Variants in RUNDC3B observed in about 807,000 individuals in gnomAD.
RUNDC3B encodes RUN domain-containing protein 3B.
In RUNDC3B, 33 loss-of-function variants were observed where a neutral mutation model predicts 58.4. The observed-to-expected ratio is 0.56, with a 90% CI of 0.43 to 0.75. The LOEUF is 0.75. RUNDC3B is among the 30% of genes least tolerant of loss of function. The probability of loss-of-function intolerance (pLI) is 0.00; values close to 1 mark genes in which losing one functional copy is unlikely to be tolerated. For missense variants in RUNDC3B, 501 were observed against 535.7 expected (o/e 0.94, Z 0.64); for synonymous variants, 193 against 195.2 (o/e 0.99, Z 0.10).
intron 10 of RUNDC3B, among the ~76,000 whole-genome samples, chr7:87,827,353 G>C (rs752744123): frequency 4.6e-5 from 7 of 152,066 alleles, no homozygotes; most frequent in Non-Finnish European, 7.4e-5. Flanking sequence ...CAGGTGCGGT[G>C]GTGGGCCCCT....
chr7:87,643,807 G>GT (rs1425042431), intron 1 of RUNDC3B, among the ~76,000 whole-genome samples: 4 of 152,060 alleles, frequency 2.6e-5, no homozygotes, highest in African/African-American at 9.7e-5. Context: ...GATTACAGGC[G>GT]TGAGCCACCA....
chr7:87,718,329 T>C (rs1159926355), intron 4 of RUNDC3B, among the ~76,000 whole-genome samples: 3 of 152,140 alleles, frequency 2.0e-5, no homozygotes, highest in Non-Finnish European at 2.9e-5. Context: ...GGGTTTCTAT[T>C]AGGGGATAGT....
At chr7:87,826,368 T>G (rs964092547) in intron 10 of RUNDC3B, among the ~76,000 whole-genome samples, 4 of 150,090 alleles carry the variant, frequency 2.7e-5, no homozygotes, top group Admixed American at 2.7e-4. Context: ...TCCACCATGA[T>G]CATGAGGCTT....
intron 3 of RUNDC3B, chr7:87,709,543 A>G (rs1316910712): frequency 6.1e-6 from 6 of 984,502 alleles, no homozygotes; most frequent in Admixed American, 6.2e-5. Flanking sequence ...CCATACCCTT[A>G]TCATTCATTT....
In RUNDC3B at chr7:87,650,954, A is replaced by G. The variant is rs776104900; in HGVS notation, c.238+17A>G. ...GGCTAAAAGGTAAAAGCACTAATGT[A>G]CTATTTATTTTCCCACCAGCTGTCT... is the stretch of plus-strand genomic sequence containing the variant. On this transcript the variant is annotated intron_variant, in intron 2 of 10. Coordinates refer to ENST00000394654, the MANE Select transcript of RUNDC3B (RefSeq NM_001134405.2). 1.4e-6 allele frequency: 2 copies of G among 1,405,510 alleles called. No individual in the cohort carries two copies. Among genetic ancestry groups the G allele is most frequent in the Non-Finnish European group, 2.0e-6 (2 of 992,654 alleles). The allele number at this position is 1,405,510 out of a possible 1,614,324, so 87.1% of individuals were successfully genotyped here. A position where few individuals can be genotyped will look rare whatever the true frequency, so the allele number is the denominator to read the frequency against.
chr7:87,713,776 A>G lies in RUNDC3B; in HGVS notation c.458+3121A>G, dbSNP rs199473694. Among the ~76,000 whole-genome samples, 40 of 152,174 alleles carry G rather than the reference A, an allele frequency of 2.6e-4. 1 individual carries two copies. Among genetic ancestry groups the G allele is most frequent in the Non-Finnish European group, 1.8e-4 (12 of 68,030 alleles). ...TTTCTCTTTATCCACTGGCTAAAAA[A>G]TAATTAGTAAATTTCAATTTAAAAT... On this transcript the variant is annotated intron_variant, in intron 4 of 10. Transcript: ENST00000394654.
intron 6 of RUNDC3B, among the ~76,000 whole-genome samples, chr7:87,761,653 G>A (rs958038969): frequency 5.9e-5 from 9 of 151,998 alleles, no homozygotes; most frequent in South Asian, 2.1e-4. Context: ...GGGATGAAGC[G>A]TTGATACCTA....
rs115604436 is a variant in RUNDC3B, at chr7:87,800,735, C to T, written c.957-6638C>T. Among the ~76,000 whole-genome samples the T allele has an allele frequency of 4.9e-4, 75 of 151,684 alleles. 1 individual carries two copies. Among genetic ancestry groups the T allele is most frequent in the African/African-American group, 1.7e-3 (71 of 41,320 alleles). On this transcript the variant is annotated intron_variant, in intron 8 of 10. Coordinates refer to ENST00000394654, the MANE Select transcript of RUNDC3B (RefSeq NM_001134405.2). ...CAATCACAGCTCACTGCAGCCTTGA[C>T]CTCCAGGCTTAAGTGATCCTACCAC... is the stretch of plus-strand genomic sequence containing the variant.
intron 2 of RUNDC3B, among the ~76,000 whole-genome samples, chr7:87,683,368 A>G (rs953451328): frequency 3.3e-5 from 5 of 152,228 alleles, no homozygotes; most frequent in African/African-American, 1.2e-4. Context: ...TAACTGGCAC[A>G]AGAGGCCTAG....
chr7:87,750,064 T>A (rs1832876604), intron 6 of RUNDC3B, among the ~76,000 whole-genome samples: 1 of 151,774 alleles, frequency 6.6e-6, no homozygotes, highest in East Asian at 1.9e-4. Context: ...GAGTGTGATG[T>A]TCCCCTTCCT....
intron 2 of RUNDC3B, among the ~76,000 whole-genome samples, chr7:87,699,224 AT>A (rs1828785693): frequency 6.6e-6 from 1 of 152,190 alleles, no homozygotes; most frequent in African/African-American, 2.4e-5. Flanking sequence ...TTAAATCATG[AT>A]GAAAAAAGCA....
rs1285845584 is a variant in RUNDC3B at position 87,831,867 on chromosome 7, T to C, written c.*1837T>C. ...TCAACCAACATTTATTATCCTTTAG[T>C]AATTAAACAATGGTTTTACATACAT... On this transcript the variant is annotated 3_prime_UTR_variant, in exon 11 of 11. Transcript: ENST00000394654. The C allele has an allele frequency of 6.6e-6, 1 of 152,008 alleles. No individual in the cohort carries two copies. The highest frequency in any genetic ancestry group is 6.6e-5 in the Admixed American group (1 of 15,216). The allele number at this position is 152,008 out of a possible 1,614,324, so 9.4% of individuals were successfully genotyped here.
At chr7:87,815,501 T>C (rs1164708650) in intron 9 of RUNDC3B, among the ~76,000 whole-genome samples, 9 of 152,114 alleles carry the variant, frequency 5.9e-5, no homozygotes, top group African/African-American at 2.2e-4. Flanking sequence ...ACTTTCCATT[T>C]GTAACTGAAT....
intron 4 of RUNDC3B, among the ~76,000 whole-genome samples, chr7:87,728,482 C>T (rs2130788842): frequency 6.6e-6 from 1 of 152,282 alleles, no homozygotes; most frequent in South Asian, 2.1e-4. Flanking sequence ...GACAGCAGTT[C>T]CTCTTGAGAT....
At chr7:87,689,938 A>T (rs1056655800) in intron 2 of RUNDC3B, among the ~76,000 whole-genome samples, 1 of 152,172 alleles carries the variant, frequency 6.6e-6, no homozygotes, top group African/African-American at 2.4e-5. Context: ...TGTTTGCACT[A>T]TATTTTTACT....
At chr7:87,765,140 A>G (rs1833908284) in intron 6 of RUNDC3B, among the ~76,000 whole-genome samples, 1 of 151,868 alleles carries the variant, frequency 6.6e-6, no homozygotes, top group South Asian at 2.1e-4. Context: ...TATCAGCTGT[A>G]ATGTAACCGT....
At chr7:87,649,006 T>C (rs1823304722) in intron 1 of RUNDC3B, among the ~76,000 whole-genome samples, 2 of 152,140 alleles carry the variant, frequency 1.3e-5, no homozygotes, top group Admixed American at 1.3e-4. Flanking sequence ...CTATCAAGAG[T>C]AAAACCTTAA....
At chr7:87,698,668 G>C (rs118183024) in intron 2 of RUNDC3B, among the ~76,000 whole-genome samples, 2 of 152,156 alleles carry the variant, frequency 1.3e-5, no homozygotes, top group Non-Finnish European at 1.5e-5. Flanking sequence ...TATTTATTGA[G>C]TGCCTACTGT....
intron 6 of RUNDC3B, among the ~76,000 whole-genome samples, chr7:87,764,184 C>A (rs752114696): frequency 6.6e-6 from 1 of 151,700 alleles, no homozygotes; most frequent in African/African-American, 2.4e-5. Context: ...AATTTAAAGA[C>A]CAAACTGATA....
Sources: gnomAD v4.1 joint callset for allele counts (sites outside exome capture counted in the v4.1 genomes callset) on GRCh38, gnomAD v4.1.1 for gene constraint, MANE v1.5 for transcripts, NCBI Gene and HGNC (gene_info 2026-07-23, HGNC 2026-07-21) for gene names.